CCDC13: variants seen among roughly 807,000 people sequenced by gnomAD.
The protein encoded by CCDC13 is coiled-coil domain-containing protein 13.
A neutral mutation model predicts 87.3 loss-of-function variants in CCDC13; 70 were observed. The observed-to-expected ratio is 0.80, with a 90% CI of 0.66 to 0.98. The LOEUF is 0.98. Ranked by LOEUF, CCDC13 falls within the 50% of genes least tolerant of loss-of-function variation. CCDC13 has a pLI of 0.00. For missense variants in CCDC13, 842 were observed against 892.0 expected, an observed-to-expected ratio of 0.94 and a Z score of 0.71; for synonymous variants, 317 against 360.3, an observed-to-expected ratio of 0.88 and a Z score of 1.36.
chr3:42,757,020 TC>T (rs762270542), intron 3 of CCDC13, 45 bp downstream of exon 3: 1 of 1,585,220 alleles, frequency 6.3e-7, no homozygotes, highest in Admixed American at 1.7e-5. Context: ...CTATCTGAAG[TC>T]CCTGGACTGC....
intron 14 of CCDC13, 100 bp from the exon 15 acceptor site, chr3:42,709,898 G>A (rs997365645): frequency 4.4e-6 from 4 of 903,838 alleles, no homozygotes; most frequent in Admixed American, 1.8e-5. Flanking sequence ...TCTTCCACAT[G>A]GTGAAACGCT....
chr3:42,709,416 TA>T (rs998003410), intron 15 of CCDC13, among the ~76,000 whole-genome samples: 2 of 152,216 alleles, frequency 1.3e-5, no homozygotes, highest in Non-Finnish European at 2.9e-5. Flanking sequence ...CGTGGGGTCT[TA>T]AAAGGTTTAA....
chr3:42,763,182 A>G (rs2125912831), intron 1 of CCDC13, among the ~76,000 whole-genome samples: 1 of 152,330 alleles, frequency 6.6e-6, no homozygotes, highest in African/African-American at 2.4e-5. Context: ...TTTTTTGAAT[A>G]CAATTTGAAT....
At chr3:42,711,543 C>T (rs1200634898) in intron 14 of CCDC13, among the ~76,000 whole-genome samples, 1 of 152,218 alleles carries the variant, frequency 6.6e-6, no homozygotes, top group Admixed American at 6.5e-5. Context: ...TTGGACCACT[C>T]CAGCCTCCCT....
At chr3:42,750,819 G>A (rs566812699) in intron 5 of CCDC13, among the ~76,000 whole-genome samples, 2 of 152,320 alleles carry the variant, frequency 1.3e-5, no homozygotes, top group East Asian at 3.9e-4. Flanking sequence ...ATCCCATCAG[G>A]CTGAACAAGC....
chr3:42,746,822 T>G, intron 6 of CCDC13: 1 of 265,166 alleles, frequency 3.8e-6, no homozygotes, highest in Non-Finnish European at 7.4e-6. Flanking sequence ...AATACACAAG[T>G]AACCTATTCA....
In CCDC13 at chr3:42,739,861, C is replaced by G. The variant is rs186027556; in HGVS notation, c.988-51G>C. The G allele has an allele frequency of 1.9e-6, 3 of 1,554,006 alleles. No individual in the cohort carries two copies. The Admixed American group carries it at 5.1e-5, about 27-fold the overall frequency. ...GCAGCAGGGCTGTGTGGGACCTTGG[C>G]CACATCTGCTCCCTGGCTCCTACTC... On this transcript the variant is annotated intron_variant, in intron 8 of 15. Transcript: ENST00000310232.
intron 13 of CCDC13, among the ~76,000 whole-genome samples, chr3:42,729,368 T>C (rs1698765573): frequency 6.6e-6 from 1 of 152,248 alleles, no homozygotes; most frequent in Non-Finnish European, 1.5e-5. Flanking sequence ...CATCTCTATG[T>C]ACTATGTGAA....
At chr3:42,742,228 C>T (rs965521597) in intron 8 of CCDC13, among the ~76,000 whole-genome samples, 1 of 152,172 alleles carries the variant, frequency 6.6e-6, no homozygotes, top group Non-Finnish European at 1.5e-5. Context: ...CAGGCTAGAC[C>T]AAAGACACTC....
chr3:42,769,969 C>T (rs1056389372), intron 1 of CCDC13, among the ~76,000 whole-genome samples: 6 of 152,234 alleles, frequency 3.9e-5, no homozygotes, highest in Admixed American at 1.3e-4. Context: ...TGGGCTCCTG[C>T]GCGCCCCAGC....
intron 13 of CCDC13, among the ~76,000 whole-genome samples, chr3:42,717,406 A>G (rs1698456767): frequency 6.7e-6 from 1 of 149,446 alleles, no homozygotes; most frequent in South Asian, 2.2e-4. Flanking sequence ...AGACTCGGCA[A>G]CAAGCGAGAA....
chr3:42,728,701 T>C (rs746822857), intron 13 of CCDC13, among the ~76,000 whole-genome samples: 7 of 152,118 alleles, frequency 4.6e-5, no homozygotes, highest in Non-Finnish European at 8.8e-5. Context: ...CCTTTTCTTG[T>C]TACAGCCCAG....
In CCDC13 at chr3:42,706,045, A is replaced by AGC. The variant is rs1698170186; in HGVS notation, c.*2933_*2934dup. On this transcript the variant is annotated 3_prime_UTR_variant, in exon 16 of 16. Coordinates refer to ENST00000310232, the MANE Select transcript of CCDC13 (RefSeq NM_144719.4). ...CCCGGTCCTGCATCCTTCCCCACCCAGCTCCATCATGGCGTTTCCCACACC... is the reference window on the plus strand; with the variant it reads ...CCCGGTCCTGCATCCTTCCCCACCCAGCGCTCCATCATGGCGTTTCCCACACC... 6.6e-6 allele frequency: 1 copy of AGC among 152,306 alleles called. No homozygotes were observed. Among genetic ancestry groups the AGC allele is most frequent in the South Asian group, 2.1e-4 (1 of 4,826 alleles). The allele number at this position is 152,306 out of a possible 1,614,324, so 9.4% of individuals were successfully genotyped here.
chr3:42,710,401 A>C (rs1698282525), intron 14 of CCDC13, among the ~76,000 whole-genome samples: 1 of 152,128 alleles, frequency 6.6e-6, no homozygotes, highest in African/African-American at 2.4e-5. Flanking sequence ...GCTGAGCCTG[A>C]GGTCTGGCCT....
At chr3:42,739,949 A>C (rs1474029105) in intron 8 of CCDC13, 139 bp from the exon 9 acceptor site, 2 of 764,348 alleles carry the variant, frequency 2.6e-6, no homozygotes, top group African/African-American at 3.5e-5. Context: ...AAGTCACTAG[A>C]GCCAGGGCCC....
intron 3 of CCDC13, among the ~76,000 whole-genome samples, chr3:42,755,087 A>G (rs555599514): frequency 6.6e-6 from 1 of 152,232 alleles, no homozygotes; most frequent in Non-Finnish European, 1.5e-5. Context: ...AGGGAGAGGT[A>G]AAGGGACCTG....
chr3:42,737,899 A>C (rs1699082601), intron 9 of CCDC13, among the ~76,000 whole-genome samples: 2 of 152,186 alleles, frequency 1.3e-5, no homozygotes. Context: ...TGCCATGCAG[A>C]AGCTCTTTAG....
chr3:42,709,571 C>A (rs553864524), intron 15 of CCDC13, 113 bp downstream of exon 15: 65 of 861,520 alleles, frequency 7.5e-5, no homozygotes, highest in South Asian at 6.9e-4. Flanking sequence ...ACAGGACAAG[C>A]CTTCTGGGCA....
chr3:42,739,743 A>G lies in CCDC13; in HGVS notation c.1055T>C (p.Met352Thr). ...TGACAGCAGCTTGTTCCGAGACCTC[A>G]TGCCCTCGAACTTCTTTTTTAGCTC... ...LEELKKKFEG[M>T]RSRNKLLSSE... The change falls in exon 9 of 16, where the codon ATG becomes ACG. Residue 352 changes from methionine (M) to threonine (T), a missense_variant. By Grantham distance (81) the Met-to-Thr change is moderately conservative. Transcript: ENST00000310232. The G allele has an allele frequency of 6.2e-7, 1 of 1,614,202 alleles. No individual in the cohort carries two copies. Among genetic ancestry groups the G allele is most frequent in the Non-Finnish European group, 8.5e-7 (1 of 1,180,040 alleles).
Sources: gnomAD v4.1 joint callset for allele counts (sites outside exome capture counted in the v4.1 genomes callset) on GRCh38, gnomAD v4.1.1 for gene constraint, MANE v1.5 for transcripts, NCBI Gene and HGNC (gene_info 2026-07-23, HGNC 2026-07-21) for gene names.